METTL25: variants seen among roughly 807,000 people sequenced by gnomAD.
The protein encoded by METTL25 is probable methyltransferase-like protein 25.
In METTL25, 64 loss-of-function variants were observed where a neutral mutation model predicts 71.6. That is an observed-to-expected ratio of 0.89 (90% CI 0.73 to 1.10). The LOEUF (loss-of-function observed/expected upper bound fraction) is 1.10. METTL25 is among the 50% of genes least tolerant of loss of function. The pLI is 0.00. For missense variants in METTL25, 807 were observed against 707.0 expected, an observed-to-expected ratio of 1.14 and a Z score of -1.60; for synonymous variants, 287 against 250.3, an observed-to-expected ratio of 1.15 and a Z score of -1.38.
intron 5 of METTL25, among the ~76,000 whole-genome samples, chr12:82,413,988 A>G (rs1221144387): frequency 6.6e-6 from 1 of 151,098 alleles, no homozygotes; most frequent in Non-Finnish European, 1.5e-5. Context: ...TAACAAATGT[A>G]TATATATATA....
intron 9 of METTL25, among the ~76,000 whole-genome samples, chr12:82,459,718 AAG>A (rs1891735249): frequency 6.6e-6 from 1 of 152,228 alleles, no homozygotes; most frequent in African/African-American, 2.4e-5. Context: ...CAGATGAGGA[AAG>A]AATCTGTGAA....
At chr12:82,459,135 G>C (rs1397192565) in intron 9 of METTL25, among the ~76,000 whole-genome samples, 1 of 152,090 alleles carries the variant, frequency 6.6e-6, no homozygotes, top group East Asian at 1.9e-4. Context: ...AGATTGAAGA[G>C]ACAGAGCAAG....
intron 3 of METTL25, among the ~76,000 whole-genome samples, chr12:82,393,577 T>A (rs1885797977): frequency 6.6e-6 from 1 of 152,084 alleles, no homozygotes; most frequent in African/African-American, 2.4e-5. Context: ...AAAGATCATT[T>A]GACTTTTTCC....
At chr12:82,436,151 A>G (rs989107987) in intron 7 of METTL25, among the ~76,000 whole-genome samples, 2 of 151,330 alleles carry the variant, frequency 1.3e-5, no homozygotes, top group African/African-American at 4.8e-5. Context: ...TCATACTTAC[A>G]CTCAATCTTA....
chr12:82,405,947 C>G (rs1887051380), intron 5 of METTL25, among the ~76,000 whole-genome samples: 1 of 152,180 alleles, frequency 6.6e-6, no homozygotes, highest in Non-Finnish European at 1.5e-5. Context: ...CTGCATTTTA[C>G]ACACATAAGA....
At chr12:82,402,922 A>T in intron 4 of METTL25, 61 bp from the exon 5 acceptor site, 1 of 1,304,146 alleles carries the variant, frequency 7.7e-7, no homozygotes, top group Non-Finnish European at 1.1e-6. Flanking sequence ...AAAATAAATA[A>T]AAATTTTAAA....
At chr12:82,383,533 A>G (rs117440461) in intron 1 of METTL25, among the ~76,000 whole-genome samples, 149 of 152,268 alleles carry the variant, frequency 9.8e-4, no homozygotes, top group Middle Eastern at 6.8e-3. Flanking sequence ...ATGTCTACTT[A>G]TAAAACTGTC....
intron 8 of METTL25, among the ~76,000 whole-genome samples, chr12:82,445,695 A>G (rs956756259): frequency 2.6e-5 from 4 of 152,190 alleles, no homozygotes; most frequent in Non-Finnish European, 5.9e-5. Context: ...AGAAGTCATG[A>G]CATTACAAGA....
chr12:82,400,071 C>A (rs1014527132), intron 4 of METTL25, among the ~76,000 whole-genome samples: 3 of 151,806 alleles, frequency 2.0e-5, no homozygotes, highest in African/African-American at 4.8e-5. Flanking sequence ...CGTCTGTAGT[C>A]CCAGCACTTT....
chr12:82,477,492 T>A (rs112559800), intron 11 of METTL25, 140 bp downstream of exon 11: 3 of 455,324 alleles, frequency 6.6e-6, no homozygotes. Flanking sequence ...GTTTAAATGT[T>A]CATTCCATCC....
chr12:82,441,196 G>A (rs1890298607), intron 8 of METTL25, among the ~76,000 whole-genome samples: 1 of 151,928 alleles, frequency 6.6e-6, no homozygotes, highest in Non-Finnish European at 1.5e-5. Flanking sequence ...TGCAATTAAA[G>A]TATTTCAGAT....
chr12:82,369,121 T>A (rs1340298800), intron 1 of METTL25, among the ~76,000 whole-genome samples: 2 of 152,198 alleles, frequency 1.3e-5, no homozygotes, highest in East Asian at 3.9e-4. Context: ...CCTACTCCCA[T>A]CTATATAATA....
intron 2 of METTL25, among the ~76,000 whole-genome samples, chr12:82,387,513 C>A (rs1885153760): frequency 6.6e-6 from 1 of 151,478 alleles, no homozygotes; most frequent in Non-Finnish European, 1.5e-5. Context: ...AAAAAAAAAA[C>A]TCAGATTCTT....
At chr12:82,388,367 CT>C (rs765882060) in intron 2 of METTL25, among the ~76,000 whole-genome samples, 7 of 151,980 alleles carry the variant, frequency 4.6e-5, no homozygotes, top group Non-Finnish European at 8.8e-5. Context: ...AGTGTTCCCC[CT>C]GGAGCAAGAG....
At chr12:82,449,263 A>G (rs1236906189) in intron 8 of METTL25, among the ~76,000 whole-genome samples, 1 of 152,130 alleles carries the variant, frequency 6.6e-6, no homozygotes, top group African/African-American at 2.4e-5. Context: ...TCACTTTTCT[A>G]AGTTTCAAAT....
chr12:82,362,341 G>T (rs535124057), intron 1 of METTL25, among the ~76,000 whole-genome samples: 59 of 152,176 alleles, frequency 3.9e-4, no homozygotes. Flanking sequence ...TAGTAGCTGT[G>T]CTAACTTGGG....
intron 5 of METTL25, among the ~76,000 whole-genome samples, chr12:82,426,440 A>G (rs115808241): frequency 1.6e-3 from 246 of 152,088 alleles, no homozygotes; most frequent in African/African-American, 5.6e-3. Flanking sequence ...TAAAGTTCCT[A>G]GGTGTTTTGG....
At chr12:82,392,826 G>A (rs952459914) in intron 3 of METTL25, among the ~76,000 whole-genome samples, 1 of 151,788 alleles carries the variant, frequency 6.6e-6, no homozygotes, top group East Asian at 1.9e-4. Context: ...GTGAGAGATA[G>A]GGGTCTAGTT....
rs200602435 is a variant in METTL25, at chr12:82,358,541, C to G, written c.-25C>G. On this transcript the variant is annotated 5_prime_UTR_variant, in exon 1 of 12. Coordinates refer to ENST00000248306, the MANE Select transcript of METTL25 (RefSeq NM_032230.3). ...GCGCCTCACGGCCATGTTTGCGCCA[C>G]CTACAGCCTCGGAGGGTGAGCGTCA... is the stretch of plus-strand genomic sequence containing the variant. The G allele has an allele frequency of 1.2e-6, 2 of 1,604,712 alleles. No homozygotes were observed. The highest frequency in any genetic ancestry group is 1.1e-5 in the South Asian group (1 of 90,996).
Sources: gnomAD v4.1 joint callset for allele counts (sites outside exome capture counted in the v4.1 genomes callset) on GRCh38, gnomAD v4.1.1 for gene constraint, MANE v1.5 for transcripts, NCBI Gene and HGNC (gene_info 2026-07-23, HGNC 2026-07-21) for gene names.